Variants in GLI2 observed in about 807,000 individuals in gnomAD.
GLI2 encodes transcription activator GLI2.
GLI2 carries 22 observed loss-of-function variants against 78.9 expected under a neutral mutation model. The ratio of observed to expected loss-of-function variants is 0.28; its 90% confidence interval spans 0.20 to 0.40. The LOEUF is 0.40. Among genes scored for constraint, GLI2 ranks in the 10% least tolerant of loss-of-function variants. The pLI, the probability that GLI2 is intolerant of heterozygous loss-of-function variation, is 1.00. For missense variants in GLI2, 2,097 were observed against 2,213.2 expected (o/e 0.95, Z 1.05); for synonymous variants, 974 against 963.7 (o/e 1.01, Z -0.20).
chr2:120,853,470 C>T (rs996464383), intron 2 of GLI2, among the ~76,000 whole-genome samples: 4 of 152,160 alleles, frequency 2.6e-5, no homozygotes, highest in Non-Finnish European at 4.4e-5. Context: ...GAGAAAGGCC[C>T]TGGGCCTGTC....
chr2:120,943,313 T>C (rs1459391193), intron 3 of GLI2, among the ~76,000 whole-genome samples: 3 of 152,102 alleles, frequency 2.0e-5, no homozygotes, highest in Non-Finnish European at 4.4e-5. Context: ...AGGGCATGAC[T>C]GGAGGTGCAG....
chr2:120,882,906 G>A (rs552178511), intron 2 of GLI2, among the ~76,000 whole-genome samples: 21 of 151,816 alleles, frequency 1.4e-4, no homozygotes, highest in African/African-American at 3.6e-4. Flanking sequence ...AAATGTATAC[G>A]GTTGTGTAAC....
chr2:120,887,742 G>A (rs990703311), intron 2 of GLI2, among the ~76,000 whole-genome samples: 14 of 152,202 alleles, frequency 9.2e-5, no homozygotes, highest in Non-Finnish European at 1.8e-4. Context: ...TGGATTGTCA[G>A]GGTCGGGGGT....
chr2:120,988,386 C>A lies in GLI2; in HGVS notation c.2421C>A (p.Ser807=). The change falls in exon 14 of 14, where the codon TCC becomes TCA. Residue 807 remains serine (S), a synonymous_variant. Transcript: ENST00000361492. ...CCTACACCGTGAGCCGCCGCTCCTCCGGCATCTCCCCCTACTTCTCCAGCC... is the reference window on the plus strand; with the variant it reads ...CCTACACCGTGAGCCGCCGCTCCTCAGGCATCTCCCCCTACTTCTCCAGCC... The part of the protein sequence containing the change: ...SSAYTVSRRS[S]GISPYFSSRR... The A allele has an allele frequency of 6.4e-7, 1 of 1,572,128 alleles. No individual in the cohort carries two copies. Among genetic ancestry groups the A allele is most frequent in the Non-Finnish European group, 8.6e-7 (1 of 1,168,970 alleles).
intron 2 of GLI2, among the ~76,000 whole-genome samples, chr2:120,906,663 C>G (rs13432964): frequency 0.053 from 8,093 of 152,036 alleles, 642 homozygotes; most frequent in African/African-American, 0.17. Flanking sequence ...TGTAACTAGT[C>G]TCTGGACACA....
Position 120,955,150 on chromosome 2 carries a change from T to G in GLI2, c.458-95T>G, listed in dbSNP as rs1178578472. On this transcript the variant is annotated intron_variant, in intron 4 of 13. Transcript: ENST00000361492. ...CCGACACCAGGTGTGCATTTCTCTC[T>G]GCCTTTTTTTTTTTTTTTTTTTTTT... The G allele has an allele frequency of 7.0e-6, 5 of 718,430 alleles. 1 individual carries two copies. The Admixed American group carries it at 1.0e-4, about 15-fold the overall frequency. The allele number at this position is 718,430 out of a possible 1,614,324, so 44.5% of individuals were successfully genotyped here.
chr2:120,758,058 C>A (rs1378609808), intron 1 of GLI2, among the ~76,000 whole-genome samples: 1 of 152,154 alleles, frequency 6.6e-6, no homozygotes, highest in African/African-American at 2.4e-5. Context: ...ATAGTCCTCA[C>A]CCTGATGTGT....
chr2:120,869,601 G>T (rs2104669962), intron 2 of GLI2, among the ~76,000 whole-genome samples: 1 of 152,280 alleles, frequency 6.6e-6, no homozygotes, highest in Admixed American at 6.5e-5. Context: ...TAAACTGATA[G>T]CAGTTGCAAA....
At chr2:120,805,223 C>T (rs996265166) in intron 2 of GLI2, among the ~76,000 whole-genome samples, 3 of 152,226 alleles carry the variant, frequency 2.0e-5, no homozygotes, top group Non-Finnish European at 2.9e-5. Context: ...TGCTTCTGGC[C>T]GCAGCCCGGG....
At chr2:120,739,638 C>T (rs79792354) in intron 1 of GLI2, among the ~76,000 whole-genome samples, 23,148 of 152,256 alleles carry the variant, frequency 0.15, 1,977 homozygotes, top group African/African-American at 0.21. Context: ...CCAGGTGGAC[C>T]TCGCTGTGGA....
chr2:120,862,813 C>G (rs530600044), intron 2 of GLI2, among the ~76,000 whole-genome samples: 87 of 152,364 alleles, frequency 5.7e-4, no homozygotes, highest in African/African-American at 2.0e-3. Flanking sequence ...GGGCTCCTCC[C>G]GCCTAAGAGG....
chr2:120,762,768 C>A (rs1683252432), intron 1 of GLI2, among the ~76,000 whole-genome samples: 1 of 152,212 alleles, frequency 6.6e-6, no homozygotes, highest in Admixed American at 6.5e-5. Flanking sequence ...AGAGACGTGG[C>A]TGGGTCTGGC....
At chr2:120,794,583 C>T (rs969986392) in intron 1 of GLI2, among the ~76,000 whole-genome samples, 11 of 151,960 alleles carry the variant, frequency 7.2e-5, no homozygotes, top group Admixed American at 2.0e-4. Context: ...GTGAGGCGTG[C>T]GAGTGCTGGG....
chr2:120,852,280 A>G (rs768539257), intron 2 of GLI2, among the ~76,000 whole-genome samples: 2 of 152,290 alleles, frequency 1.3e-5, no homozygotes, highest in Non-Finnish European at 2.9e-5. Flanking sequence ...GATCGCACAG[A>G]GACGGATGGG....
In GLI2 at chr2:120,791,269, A is replaced by T. The variant is rs565317929; in HGVS notation, c.-30-6022A>T. ...GTGAGTGTAAATTTGTCTGGATGGG[A>T]CAGTGGGGACTGACCTGAGGAGTCA... On this transcript the variant is annotated intron_variant, in intron 1 of 13. Coordinates refer to ENST00000361492, the MANE Select transcript of GLI2 (RefSeq NM_001374353.1). Among the ~76,000 whole-genome samples, 4 of 152,258 alleles carry T rather than the reference A, an allele frequency of 2.6e-5. No homozygotes were observed. The South Asian group carries it at 8.3e-4, about 32-fold the overall frequency.
intron 2 of GLI2, among the ~76,000 whole-genome samples, chr2:120,876,651 G>A (rs959593312): frequency 1.3e-5 from 2 of 152,030 alleles, no homozygotes; most frequent in African/African-American, 4.8e-5. Flanking sequence ...GGTTGGAGGA[G>A]GGACACAGGT....
At chr2:120,873,015 G>T (rs1010118497) in intron 2 of GLI2, among the ~76,000 whole-genome samples, 1 of 152,220 alleles carries the variant, frequency 6.6e-6, no homozygotes, top group Non-Finnish European at 1.5e-5. Flanking sequence ...ATATATGCTT[G>T]CAGTCTTCTG....
intron 3 of GLI2, among the ~76,000 whole-genome samples, chr2:120,941,462 C>A (rs1680443535): frequency 6.6e-6 from 1 of 152,176 alleles, no homozygotes; most frequent in South Asian, 2.1e-4. Context: ...AGCTCTGTTT[C>A]TATTTGTCGG....
intron 5 of GLI2, among the ~76,000 whole-genome samples, chr2:120,960,798 G>A (rs553091304): frequency 4.6e-5 from 7 of 152,336 alleles, no homozygotes; most frequent in African/African-American, 1.7e-4. Context: ...TGAGGCCAGG[G>A]TGCCGGCAGG....
Sources: gnomAD v4.1 joint callset for allele counts (sites outside exome capture counted in the v4.1 genomes callset) on GRCh38, gnomAD v4.1.1 for gene constraint, MANE v1.5 for transcripts, NCBI Gene and HGNC (gene_info 2026-07-23, HGNC 2026-07-21) for gene names.